The following DLG2 variants were observed in gnomAD, a reference collection of about 807,000 sequenced individuals.
The protein encoded by DLG2 is discs large MAGUK scaffold protein 2.
Under a neutral mutation model 132.5 loss-of-function variants are expected in DLG2, and 45 were observed. The observed-to-expected ratio is 0.34, with a 90% confidence interval of 0.27 to 0.44. The LOEUF (loss-of-function observed/expected upper bound fraction) is 0.44. Among genes scored for constraint, DLG2 ranks in the 20% least tolerant of loss-of-function variants. The probability of loss-of-function intolerance (pLI) is 1.00; values close to 1 mark genes in which losing one functional copy is unlikely to be tolerated. For missense variants in DLG2, 1,045 were observed against 1,196.9 expected, an observed-to-expected ratio of 0.87 and a Z score of 1.87; for synonymous variants, 424 against 419.6, an observed-to-expected ratio of 1.01 and a Z score of -0.13.
intron 18 of DLG2, among the ~76,000 whole-genome samples, chr11:83,698,517 A>G (rs1366621809): frequency 6.6e-6 from 1 of 152,212 alleles, no homozygotes; most frequent in Non-Finnish European, 1.5e-5. Flanking sequence ...ATTTGATGAT[A>G]AAATATAGAG....
At chr11:84,580,157 A>C (rs2099513013) in intron 6 of DLG2, among the ~76,000 whole-genome samples, 1 of 152,236 alleles carries the variant, frequency 6.6e-6, no homozygotes, top group Non-Finnish European at 1.5e-5. Context: ...TAATCGATTA[A>C]AGTGTGTATT....
intron 6 of DLG2, among the ~76,000 whole-genome samples, chr11:84,756,773 T>C (rs2066937335): frequency 6.6e-6 from 1 of 152,244 alleles, no homozygotes; most frequent in African/African-American, 2.4e-5. Context: ...TTTTGTTTTT[T>C]AGCTCATCAG....
In DLG2 at chr11:85,598,873, A is replaced by C. The variant is rs1013916463; in HGVS notation, c.-92-85T>G. 16 of 407,428 alleles carry C rather than the reference A, an allele frequency of 3.9e-5. No homozygotes were observed. In the Admixed American group the frequency reaches 6.2e-4, roughly 16 times the overall value. 25.2% of individuals were successfully genotyped at this position (407,428 alleles called of 1,614,324 possible). A position where few individuals can be genotyped will look rare whatever the true frequency, so the allele number is the denominator to read the frequency against. On this transcript the variant is annotated intron_variant, in intron 2 of 27. Coordinates refer to ENST00000376104, the MANE Select transcript of DLG2 (RefSeq NM_001142699.3). ...TAAACTATTCTATAATTGTGTTCCT[A>C]ACTTAATGACATGAAATAACTTAAT...
intron 7 of DLG2, among the ~76,000 whole-genome samples, chr11:84,363,273 T>G (rs1742314690): frequency 6.6e-6 from 1 of 152,068 alleles, no homozygotes; most frequent in African/African-American, 2.4e-5. Flanking sequence ...ATGGTGAGGA[T>G]TTTTTCATGT....
At chr11:84,240,907 T>G (rs1214711659) in intron 8 of DLG2, among the ~76,000 whole-genome samples, 2 of 152,156 alleles carry the variant, frequency 1.3e-5, no homozygotes, top group Non-Finnish European at 2.9e-5. Context: ...CTACCAGCAA[T>G]GCCTACATGT....
intron 18 of DLG2, among the ~76,000 whole-genome samples, chr11:83,634,458 GCAGGCTTAACTTACC>G (rs751322011): frequency 5.4e-4 from 82 of 152,146 alleles, no homozygotes; most frequent in Non-Finnish European, 1.0e-3. Flanking sequence ...AGAAAATTCA[GCAGGCTTAACTTACC>G]CACAAATAAA....
At chr11:83,728,878 C>A (rs747283569) in intron 18 of DLG2, among the ~76,000 whole-genome samples, 4 of 152,160 alleles carry the variant, frequency 2.6e-5, no homozygotes, top group Non-Finnish European at 4.4e-5. Flanking sequence ...TTTGCAAAAC[C>A]GTGATACACA....
chr11:84,627,007 G>T (rs1016696091), intron 6 of DLG2, among the ~76,000 whole-genome samples: 5 of 152,000 alleles, frequency 3.3e-5, no homozygotes, highest in African/African-American at 1.2e-4. Context: ...TAGTAGCTGG[G>T]ATTACAGATG....
chr11:83,564,902 T>C (rs969811788), intron 19 of DLG2, among the ~76,000 whole-genome samples: 40 of 152,204 alleles, frequency 2.6e-4, no homozygotes, highest in Admixed American at 1.2e-3. Context: ...GCAAATATCT[T>C]CTAGTCAAAG....
chr11:84,358,439 T>C (rs898776294), intron 7 of DLG2, among the ~76,000 whole-genome samples: 2 of 151,146 alleles, frequency 1.3e-5, no homozygotes, highest in East Asian at 2.0e-4. Flanking sequence ...CCGATTTCCA[T>C]GCCTTCATTT....
chr11:84,066,256 C>A (rs2096670790), intron 10 of DLG2, among the ~76,000 whole-genome samples: 1 of 152,124 alleles, frequency 6.6e-6, no homozygotes, highest in African/African-American at 2.4e-5. Context: ...GCATATTCAC[C>A]TAAATATTAG....
rs151196918 is a variant in DLG2 at position 85,367,597 on chromosome 11, T to C, written c.41-82232A>G. Among the ~76,000 whole-genome samples the C allele has an allele frequency of 3.3e-4, 50 of 152,316 alleles. No homozygotes were observed. The East Asian group carries it at 8.3e-3, about 25-fold the overall frequency. ...TTGTTTTCATATCTTAGCTTTCTCA[T>C]ATGCTAATTATGTGCATTTGAGCAA... is the stretch of plus-strand genomic sequence containing the variant. On this transcript the variant is annotated intron_variant, in intron 3 of 27. Coordinates refer to ENST00000376104, the MANE Select transcript of DLG2 (RefSeq NM_001142699.3).
At chr11:85,620,279 C>G (rs2081608573) in intron 2 of DLG2, among the ~76,000 whole-genome samples, 1 of 152,188 alleles carries the variant, frequency 6.6e-6, no homozygotes, top group South Asian at 2.1e-4. Flanking sequence ...TATCTGACTC[C>G]TCTACCAACT....
At chr11:85,343,646 G>A (rs57906670) in intron 3 of DLG2, among the ~76,000 whole-genome samples, 44 of 151,622 alleles carry the variant, frequency 2.9e-4, no homozygotes, top group South Asian at 4.2e-4. Flanking sequence ...ACACACACAC[G>A]CGCGTACACG....
At chr11:83,661,603 A>G (rs1222414564) in intron 18 of DLG2, among the ~76,000 whole-genome samples, 2 of 152,130 alleles carry the variant, frequency 1.3e-5, no homozygotes, top group African/African-American at 2.4e-5. Flanking sequence ...GTACTTTGCC[A>G]CTTATGACTC....
At position 84,186,341 on chromosome 11, in the gene DLG2, C is replaced by T. The variant is rs543228166; in HGVS notation, c.574-22830G>A. On this transcript the variant is annotated intron_variant, in intron 8 of 27. Coordinates refer to ENST00000376104, the MANE Select transcript of DLG2 (RefSeq NM_001142699.3). ...TGTTGTCCCACAGGTTTCTGAAAATCTATTCATTTTTCTTTAAAAATGAAT... is the reference window on the plus strand; with the variant it reads ...TGTTGTCCCACAGGTTTCTGAAAATTTATTCATTTTTCTTTAAAAATGAAT... Among the ~76,000 whole-genome samples the T allele has an allele frequency of 5.5e-4, 84 of 152,112 alleles. 1 individual carries two copies. The South Asian group carries it at 0.016, about 29-fold the overall frequency.
At chr11:83,734,259 T>C (rs891003351) in intron 18 of DLG2, among the ~76,000 whole-genome samples, 1 of 152,186 alleles carries the variant, frequency 6.6e-6, no homozygotes, top group African/African-American at 2.4e-5. Context: ...TAACCTTCTT[T>C]AAAAGTATGC....
intron 7 of DLG2, among the ~76,000 whole-genome samples, chr11:84,359,096 C>G (rs879616210): frequency 1.3e-5 from 2 of 151,830 alleles, no homozygotes; most frequent in Non-Finnish European, 2.9e-5. Flanking sequence ...AATTTGACCT[C>G]CATGGCCAAG....
intron 11 of DLG2, among the ~76,000 whole-genome samples, chr11:84,039,844 T>A (rs1213650108): frequency 2.7e-5 from 4 of 146,874 alleles, no homozygotes; most frequent in East Asian, 2.1e-4. Context: ...CAACAGTGTA[T>A]AAGTGTTCCT....
Sources: gnomAD v4.1 joint callset for allele counts (sites outside exome capture counted in the v4.1 genomes callset) on GRCh38, gnomAD v4.1.1 for gene constraint, MANE v1.5 for transcripts, NCBI Gene and HGNC (gene_info 2026-07-23, HGNC 2026-07-21) for gene names.